GALNT13: variants seen among roughly 807,000 people sequenced by gnomAD.
GALNT13 encodes polypeptide N-acetylgalactosaminyltransferase 13.
Under a neutral mutation model 64.2 loss-of-function variants are expected in GALNT13, and 28 were observed. That is an observed-to-expected ratio of 0.44 (90% CI 0.32 to 0.60). The LOEUF (loss-of-function observed/expected upper bound fraction) is 0.60. GALNT13 is among the 20% of genes least tolerant of loss of function. The pLI is 0.05. For missense variants in GALNT13, 577 were observed against 669.8 expected (o/e 0.86, Z 1.53); for synonymous variants, 214 against 224.6 (o/e 0.95, Z 0.42).
chr2:153,165,717 C>T, the GALNT13 span, among the ~76,000 whole-genome samples: 14 of 152,204 alleles, frequency 9.2e-5, no homozygotes, highest in African/African-American at 3.4e-4. Context: ...TGACACACAT[C>T]GTCTGTGACT....
At chr2:153,325,785 G>C in the GALNT13 span, among the ~76,000 whole-genome samples, 1 of 152,176 alleles carries the variant, frequency 6.6e-6, no homozygotes, top group South Asian at 2.1e-4. Flanking sequence ...AGGTTGTTCA[G>C]TTTCCATTTA....
chr2:154,238,333 G>A (rs1689304092), intron 4 of GALNT13, among the ~76,000 whole-genome samples: 1 of 151,978 alleles, frequency 6.6e-6, no homozygotes, highest in Non-Finnish European at 1.5e-5. Context: ...TGATTCATAA[G>A]TCGAGCATAA....
chr2:153,464,201 C>T, the GALNT13 span, among the ~76,000 whole-genome samples: 1 of 152,024 alleles, frequency 6.6e-6, no homozygotes, highest in Non-Finnish European at 1.5e-5. Context: ...AGGTTGAGGT[C>T]TCAGGGCTGA....
chr2:153,964,615 T>C (rs745507699), intron 3 of GALNT13, among the ~76,000 whole-genome samples: 11 of 152,120 alleles, frequency 7.2e-5, no homozygotes, highest in Non-Finnish European at 1.0e-4. Context: ...GAAAAGTATG[T>C]AATTGTTACA....
the GALNT13 span, among the ~76,000 whole-genome samples, chr2:153,696,444 A>T: frequency 1.1e-4 from 17 of 152,160 alleles, no homozygotes; most frequent in African/African-American, 4.1e-4. Context: ...ACACCCTCAC[A>T]GACATACCTG....
At chr2:153,539,900 A>T in the GALNT13 span, among the ~76,000 whole-genome samples, 2 of 152,310 alleles carry the variant, frequency 1.3e-5, no homozygotes, top group Non-Finnish European at 2.9e-5. Flanking sequence ...AGCATTTAAG[A>T]GGTGACCGAG....
chr2:153,090,467 C>T, the GALNT13 span, among the ~76,000 whole-genome samples: 1 of 152,172 alleles, frequency 6.6e-6, no homozygotes, highest in African/African-American at 2.4e-5. Flanking sequence ...CACTCGGGAC[C>T]TCTGGTTAGC....
intron 2 of GALNT13, among the ~76,000 whole-genome samples, chr2:153,931,787 T>A (rs1311295584): frequency 6.6e-6 from 1 of 152,116 alleles, no homozygotes; most frequent in Non-Finnish European, 1.5e-5. Flanking sequence ...GATTTTTACA[T>A]CTATGGTCAT....
At chr2:154,137,170 C>T (rs1683004498) in intron 3 of GALNT13, among the ~76,000 whole-genome samples, 1 of 152,008 alleles carries the variant, frequency 6.6e-6, no homozygotes, top group Admixed American at 6.6e-5. Flanking sequence ...AAAGTGTTTT[C>T]TTCTGGTAAG....
chr2:154,078,144 T>C (rs1000831787), intron 3 of GALNT13, among the ~76,000 whole-genome samples: 1 of 151,446 alleles, frequency 6.6e-6, no homozygotes, highest in Non-Finnish European at 1.5e-5. Flanking sequence ...AATTTACCAG[T>C]ATAAGTTGCT....
At position 153,944,429 on chromosome 2, in the gene GALNT13, G is replaced by C; in HGVS notation, c.-69G>C. 1 of 1,439,722 alleles carries C rather than the reference G, an allele frequency of 6.9e-7. No homozygotes were observed. Among genetic ancestry groups the C allele is most frequent in the Non-Finnish European group, 9.6e-7 (1 of 1,041,336 alleles). The allele number at this position is 1,439,722 out of a possible 1,614,324, so 89.2% of individuals were successfully genotyped here. On this transcript the variant is annotated 5_prime_UTR_variant, in exon 3 of 13. Transcript: ENST00000392825. Reference sequence around the variant, plus strand: ...CCTGCTTTCATCTTGGAGTTCACCTGTGTGGCTTGGATTTATCACAGTAGC... The same window carrying C: ...CCTGCTTTCATCTTGGAGTTCACCTCTGTGGCTTGGATTTATCACAGTAGC...
At chr2:153,975,408 T>G (rs1453895914) in intron 3 of GALNT13, among the ~76,000 whole-genome samples, 1 of 152,062 alleles carries the variant, frequency 6.6e-6, no homozygotes, top group African/African-American at 2.4e-5. Context: ...TGCCTCTCTC[T>G]CTAACCTTAT....
chr2:153,334,545 A>G, the GALNT13 span, among the ~76,000 whole-genome samples: 1 of 152,048 alleles, frequency 6.6e-6, no homozygotes, highest in Non-Finnish European at 1.5e-5. Context: ...AAAATGATAA[A>G]GATTTTTTTT....
the GALNT13 span, among the ~76,000 whole-genome samples, chr2:153,808,090 G>A: frequency 9.9e-5 from 15 of 152,206 alleles, no homozygotes; most frequent in African/African-American, 3.4e-4. Context: ...AGCCCAAAGC[G>A]CTGTAGTTAA....
At chr2:154,260,847 C>T (rs1297596561) in intron 8 of GALNT13, among the ~76,000 whole-genome samples, 2 of 152,082 alleles carry the variant, frequency 1.3e-5, no homozygotes, top group Admixed American at 6.6e-5. Flanking sequence ...TGCTGGGTTA[C>T]GTAAGAAATA....
chr2:154,119,604 C>T (rs1040299702), intron 3 of GALNT13, among the ~76,000 whole-genome samples: 2 of 151,858 alleles, frequency 1.3e-5, no homozygotes, highest in Non-Finnish European at 2.9e-5. Flanking sequence ...AAGAGGCTTT[C>T]TTTATTCTTT....
chr2:153,803,967 C>A, the GALNT13 span, among the ~76,000 whole-genome samples: 35 of 152,062 alleles, frequency 2.3e-4, 1 homozygote, highest in Non-Finnish European at 3.7e-4. Flanking sequence ...AGAATTAATC[C>A]CTACCTTTTC....
the GALNT13 span, among the ~76,000 whole-genome samples, chr2:153,242,175 G>A: frequency 6.6e-6 from 1 of 152,162 alleles, no homozygotes; most frequent in Non-Finnish European, 1.5e-5. Context: ...GTGTAGCTCA[G>A]TAGCTAAGCC....
chr2:153,129,919 G>A, the GALNT13 span, among the ~76,000 whole-genome samples: 16,516 of 152,130 alleles, frequency 0.11, 970 homozygotes, highest in African/African-American at 0.13. Flanking sequence ...TCTTTATGAC[G>A]TTTAAAAGAC....
Sources: gnomAD v4.1 joint callset for allele counts (sites outside exome capture counted in the v4.1 genomes callset) on GRCh38, gnomAD v4.1.1 for gene constraint, MANE v1.5 for transcripts, NCBI Gene and HGNC (gene_info 2026-07-23, HGNC 2026-07-21) for gene names.